Variants in OSBPL8 observed in about 807,000 individuals in gnomAD.
OSBPL8 encodes oxysterol binding protein like 8.
A neutral mutation model predicts 125.5 loss-of-function variants in OSBPL8; 59 were observed. That is an observed-to-expected ratio of 0.47 (90% CI 0.38 to 0.58). OSBPL8 has a LOEUF of 0.58. Among genes scored for constraint, OSBPL8 ranks in the 20% least tolerant of loss-of-function variants. OSBPL8 has a pLI of 0.00. For synonymous variants in OSBPL8, 330 were observed against 338.9 expected, an observed-to-expected ratio of 0.97 and a Z score of 0.29; for missense variants, 758 against 1,047.8, an observed-to-expected ratio of 0.72 and a Z score of 3.82.
chr12:76,357,589 C>T (rs546943211), intron 22 of OSBPL8, among the ~76,000 whole-genome samples: 9 of 152,240 alleles, frequency 5.9e-5, no homozygotes, highest in Non-Finnish European at 1.0e-4. Flanking sequence ...AACCTTTATT[C>T]GGTTCATTCC....
At chr12:76,377,344 T>C (rs1404715327) in intron 16 of OSBPL8, among the ~76,000 whole-genome samples, 1 of 152,202 alleles carries the variant, frequency 6.6e-6, no homozygotes, top group African/African-American at 2.4e-5. Context: ...CCTTGAGGGA[T>C]AGCCACACCG....
rs557204219 is a variant in OSBPL8, at chr12:76,424,514, T to C, written c.218-13880A>G. 4.6e-5 allele frequency among the ~76,000 whole-genome samples: 7 copies of C among 152,308 alleles called. No homozygotes were observed. In the East Asian group the frequency reaches 1.3e-3, roughly 29 times the overall value. On this transcript the variant is annotated intron_variant, in intron 4 of 23. Transcript: ENST00000261183. The stretch of plus-strand genomic sequence containing the variant: ...CAACAAATAATTATAATTCATGTAA[T>C]GGTGCTTGCCTTTAAAGGCATAAAG...
intron 5 of OSBPL8, among the ~76,000 whole-genome samples, chr12:76,410,049 AG>A (rs1227239286): frequency 2.1e-5 from 3 of 143,682 alleles, no homozygotes; most frequent in Non-Finnish European, 4.8e-5. Flanking sequence ...ATTTTCTTCA[AG>A]AAAAAAAATG....
At chr12:76,367,252 G>GTGTGTA (rs972853771) in intron 21 of OSBPL8, among the ~76,000 whole-genome samples, 3 of 151,934 alleles carry the variant, frequency 2.0e-5, no homozygotes, top group Non-Finnish European at 4.4e-5. Context: ...GTGTGTGTGT[G>GTGTGTA]TGTGTATGAA....
chr12:76,527,361 T>C (rs552484141), intron 1 of OSBPL8, among the ~76,000 whole-genome samples: 13 of 152,338 alleles, frequency 8.5e-5, no homozygotes, highest in Middle Eastern at 3.4e-3. Flanking sequence ...CCTTTGATCC[T>C]ACCTAATCAG....
rs199764444 is a variant in OSBPL8 at position 76,358,776 on chromosome 12, C to T, written c.2364G>A (p.Arg788=). 3.8e-5 allele frequency: 61 copies of T among 1,613,890 alleles called. 1 individual carries two copies. The Middle Eastern group carries it at 6.6e-4, about 17-fold the overall frequency. Residue 788 remains arginine, a synonymous_variant, in exon 22 of 24, where the codon AGG becomes AGA. Transcript: ENST00000261183. The part of the protein sequence containing the change: ...SVPKMKHKPT[R]QQKKVAKGYS... ...AGCCTTTTGCTACTTTCTTCTGTTGCCTGGTTGGCTTATGTTTCATTTTGG... is the reference window on the plus strand; with the variant it reads ...AGCCTTTTGCTACTTTCTTCTGTTGTCTGGTTGGCTTATGTTTCATTTTGG...
chr12:76,523,975 A>G (rs1378897101), intron 1 of OSBPL8, among the ~76,000 whole-genome samples: 2 of 152,226 alleles, frequency 1.3e-5, no homozygotes, highest in Non-Finnish European at 2.9e-5. Flanking sequence ...TATGATGACT[A>G]TAAAACAATA....
At chr12:76,502,668 T>C (rs1037428602) in intron 1 of OSBPL8, among the ~76,000 whole-genome samples, 2 of 152,110 alleles carry the variant, frequency 1.3e-5, no homozygotes, top group African/African-American at 4.8e-5. Flanking sequence ...AACAATCCAA[T>C]CTAGACAGGA....
At chr12:76,391,056 C>A (rs570068802) in intron 10 of OSBPL8, among the ~76,000 whole-genome samples, 18 of 152,180 alleles carry the variant, frequency 1.2e-4, no homozygotes, top group Admixed American at 1.0e-3. Flanking sequence ...AGAAAAAATG[C>A]AGGTCCAGAT....
intron 4 of OSBPL8, among the ~76,000 whole-genome samples, chr12:76,429,545 T>G (rs1870563488): frequency 1.3e-5 from 2 of 152,034 alleles, no homozygotes; most frequent in Non-Finnish European, 1.5e-5. Context: ...CAAAAATCTA[T>G]TTAACTAAAA....
chr12:76,480,573 A>G (rs1367260106), intron 2 of OSBPL8, among the ~76,000 whole-genome samples: 1 of 152,242 alleles, frequency 6.6e-6, no homozygotes, highest in Non-Finnish European at 1.5e-5. Context: ...TTTTAACATG[A>G]GAAAATAAGA....
chr12:76,543,721 C>T (rs1170760131), intron 1 of OSBPL8, among the ~76,000 whole-genome samples: 1 of 152,078 alleles, frequency 6.6e-6, no homozygotes, highest in African/African-American at 2.4e-5. Context: ...CCATGGATAA[C>T]CACAAACTAC....
At chr12:76,381,746 T>G (rs1046242091) in intron 15 of OSBPL8, among the ~76,000 whole-genome samples, 2 of 151,772 alleles carry the variant, frequency 1.3e-5, no homozygotes, top group African/African-American at 4.8e-5. Context: ...TTTTTTTTCC[T>G]TTCTTGAGAC....
intron 2 of OSBPL8, among the ~76,000 whole-genome samples, chr12:76,479,894 C>T (rs899631086): frequency 2.0e-5 from 3 of 151,984 alleles, no homozygotes; most frequent in Admixed American, 6.6e-5. Context: ...AGGCCGGGCG[C>T]GGTGGCTCAT....
intron 3 of OSBPL8, among the ~76,000 whole-genome samples, chr12:76,455,692 C>CT (rs1873950825): frequency 6.6e-6 from 1 of 152,156 alleles, no homozygotes. Context: ...GCATTAACAA[C>CT]TATACAGACA....
chr12:76,498,756 G>T (rs1307980410), intron 1 of OSBPL8, among the ~76,000 whole-genome samples: 5 of 144,902 alleles, frequency 3.5e-5, no homozygotes, highest in African/African-American at 1.3e-4. Flanking sequence ...TTGAGACAGG[G>T]TCACCCAGAA....
intron 4 of OSBPL8, among the ~76,000 whole-genome samples, chr12:76,427,336 C>T (rs149071333): frequency 6.6e-6 from 1 of 151,998 alleles, no homozygotes; most frequent in East Asian, 1.9e-4. Flanking sequence ...TATATGTATA[C>T]TCGCACATAT....
intron 14 of OSBPL8, 64 bp from the exon 15 acceptor site, chr12:76,384,414 A>C: frequency 2.2e-6 from 2 of 921,692 alleles, no homozygotes; most frequent in Non-Finnish European, 3.1e-6. Context: ...AAAATATAAA[A>C]AGATAAGCAT....
At chr12:76,557,435 T>C (rs1204988766) in intron 1 of OSBPL8, among the ~76,000 whole-genome samples, 1 of 151,868 alleles carries the variant, frequency 6.6e-6, no homozygotes, top group Non-Finnish European at 1.5e-5. Context: ...GCCAACATGG[T>C]GAAACCCCAT....
Sources: gnomAD v4.1 joint callset for allele counts (sites outside exome capture counted in the v4.1 genomes callset) on GRCh38, gnomAD v4.1.1 for gene constraint, MANE v1.5 for transcripts, NCBI Gene and HGNC (gene_info 2026-07-23, HGNC 2026-07-21) for gene names.